ZNF618: variants seen among roughly 807,000 people sequenced by gnomAD.
ZNF618 encodes zinc finger protein 618.
ZNF618 carries 34 observed loss-of-function variants against 103.0 expected under a neutral mutation model. The ratio of observed to expected loss-of-function variants is 0.33; its 90% CI spans 0.25 to 0.44. The LOEUF is 0.44. Ranked by LOEUF, ZNF618 falls within the 20% of genes least tolerant of loss-of-function variation. The probability of loss-of-function intolerance (pLI) is 1.00; values close to 1 mark genes in which losing one functional copy is unlikely to be tolerated. For synonymous variants in ZNF618, 551 were observed against 542.2 expected (o/e 1.02, Z -0.23); for missense variants, 1,059 against 1,295.4 (o/e 0.82, Z 2.80).
chr9:113,971,229 G>A (rs917777269), intron 2 of ZNF618, among the ~76,000 whole-genome samples: 1 of 152,020 alleles, frequency 6.6e-6, no homozygotes, highest in Admixed American at 6.5e-5. Context: ...ACTGAAAGGG[G>A]CATTAAGTTT....
At chr9:113,920,915 C>G (rs1832582960) in intron 1 of ZNF618, among the ~76,000 whole-genome samples, 1 of 152,314 alleles carries the variant, frequency 6.6e-6, no homozygotes, top group South Asian at 2.1e-4. Flanking sequence ...TTGTGTCCCA[C>G]CTAGCTGAGG....
intron 1 of ZNF618, among the ~76,000 whole-genome samples, chr9:113,885,826 G>A (rs775560151): frequency 2.6e-4 from 39 of 152,176 alleles, no homozygotes; most frequent in Admixed American, 3.9e-4. Context: ...AAGGAAAGGA[G>A]GAAGGCTGAG....
At chr9:113,915,369 G>A (rs913937910) in intron 1 of ZNF618, among the ~76,000 whole-genome samples, 1 of 152,184 alleles carries the variant, frequency 6.6e-6, no homozygotes, top group Non-Finnish European at 1.5e-5. Flanking sequence ...ATGAGCCCCT[G>A]AGAAGTCAGG....
chr9:113,898,751 T>C (rs1830259383), intron 1 of ZNF618, among the ~76,000 whole-genome samples: 1 of 152,204 alleles, frequency 6.6e-6, no homozygotes, highest in African/African-American at 2.4e-5. Flanking sequence ...TACACATTTA[T>C]AGATCAGCGA....
intron 2 of ZNF618, among the ~76,000 whole-genome samples, chr9:113,987,775 C>G (rs1839625983): frequency 6.6e-6 from 1 of 152,202 alleles, no homozygotes; most frequent in South Asian, 2.1e-4. Flanking sequence ...GGGAGGGTCG[C>G]TTGAGCCCAG....
chr9:113,928,604 G>A (rs1588068793), intron 1 of ZNF618, among the ~76,000 whole-genome samples: 1 of 152,292 alleles, frequency 6.6e-6, no homozygotes, highest in East Asian at 1.9e-4. Context: ...GCTGTAGCTG[G>A]AGATGCCAGA....
At chr9:113,917,493 A>G (rs1832236555) in intron 1 of ZNF618, among the ~76,000 whole-genome samples, 2 of 151,480 alleles carry the variant, frequency 1.3e-5, no homozygotes, top group Admixed American at 1.3e-4. Flanking sequence ...GGCTCAAGCA[A>G]TCCACCTGTC....
intron 3 of ZNF618, among the ~76,000 whole-genome samples, chr9:113,992,670 T>G (rs562296235): frequency 6.6e-6 from 1 of 152,232 alleles, no homozygotes; most frequent in South Asian, 2.1e-4. Flanking sequence ...AGTCACCCAG[T>G]GCTGCGCCAT....
chr9:113,911,700 C>T (rs1376004802), intron 1 of ZNF618, among the ~76,000 whole-genome samples: 1 of 152,058 alleles, frequency 6.6e-6, no homozygotes, highest in Non-Finnish European at 1.5e-5. Context: ...AAAAGCTCAA[C>T]ATTATAAGAT....
At chr9:113,912,367 A>G (rs1564161693) in intron 1 of ZNF618, among the ~76,000 whole-genome samples, 1 of 152,172 alleles carries the variant, frequency 6.6e-6, no homozygotes. Context: ...TGGCAGATGC[A>G]GGCAGCAGAC....
intron 1 of ZNF618, among the ~76,000 whole-genome samples, chr9:113,954,331 TGAG>T (rs1028601525): frequency 9.2e-5 from 14 of 152,050 alleles, no homozygotes; most frequent in Non-Finnish European, 1.9e-4. Context: ...GGCAGGGGGT[TGAG>T]GAGAGCATTA....
At chr9:114,047,486 TG>T (rs1241053198) in intron 13 of ZNF618, among the ~76,000 whole-genome samples, 2 of 152,244 alleles carry the variant, frequency 1.3e-5, no homozygotes, top group Non-Finnish European at 2.9e-5. Context: ...TTTGGCCACT[TG>T]GGGGGTGTAG....
intron 1 of ZNF618, among the ~76,000 whole-genome samples, chr9:113,899,050 C>T (rs1312511313): frequency 2.6e-5 from 4 of 152,142 alleles, no homozygotes; most frequent in African/African-American, 9.7e-5. Flanking sequence ...CGTGATTTGT[C>T]CCCACATCTG....
rs1257137336 is a variant in ZNF618 at position 113,943,592 on chromosome 9, A to ATT, written c.34-25513_34-25512dup. Among the ~76,000 whole-genome samples the ATT allele has an allele frequency of 4.8e-5, 7 of 144,384 alleles. No homozygotes were observed. The East Asian group carries it at 6.0e-4, about 12-fold the overall frequency. The allele number at this position is 144,384 out of a possible 152,430, so 94.7% of individuals were successfully genotyped here. On this transcript the variant is annotated intron_variant, in intron 1 of 14. Transcript: ENST00000374126. ...GGCCCCAGTGTGGCCAGATCTTCTG[A>ATT]TTTTTTTTTTTTTAAGAAAAGCTGT...
At chr9:114,046,398 C>T (rs1035063962) in intron 13 of ZNF618, among the ~76,000 whole-genome samples, 3 of 152,124 alleles carry the variant, frequency 2.0e-5, no homozygotes, top group East Asian at 1.9e-4. Context: ...AGTACAGTAA[C>T]GCACTGTACA....
intron 10 of ZNF618, among the ~76,000 whole-genome samples, chr9:114,019,418 C>A (rs1022425123): frequency 1.3e-5 from 2 of 152,166 alleles, no homozygotes; most frequent in Non-Finnish European, 2.9e-5. Flanking sequence ...AAGTGACAAA[C>A]CATTTTCCAA....
chr9:113,889,384 T>C (rs1050210664), intron 1 of ZNF618, among the ~76,000 whole-genome samples: 5 of 148,502 alleles, frequency 3.4e-5, no homozygotes, highest in Non-Finnish European at 5.9e-5. Context: ...CTCTCCAGCA[T>C]AGAGGCTTCA....
At chr9:114,028,309 C>A in intron 10 of ZNF618, 1 of 184,922 alleles carries the variant, frequency 5.4e-6, no homozygotes, top group Non-Finnish European at 1.1e-5. Flanking sequence ...GCCCCTCTGC[C>A]TCACCCCCAG....
At chr9:113,934,680 C>T (rs548751928) in intron 1 of ZNF618, among the ~76,000 whole-genome samples, 4 of 152,274 alleles carry the variant, frequency 2.6e-5, no homozygotes, top group African/African-American at 9.6e-5. Context: ...TGGTTATGAG[C>T]ATTCTGGCCT....
Sources: allele counts gnomAD v4.1 joint callset (sites outside exome capture counted in the v4.1 genomes callset), GRCh38; gene constraint gnomAD v4.1.1; transcripts MANE v1.5; gene names NCBI Gene and HGNC (gene_info 2026-07-23, HGNC 2026-07-21).